The following RAD51B variants were observed in gnomAD, a reference collection of about 807,000 sequenced individuals.
RAD51B encodes the protein DNA repair protein RAD51 homolog 2.
Under a neutral mutation model 42.2 loss-of-function variants are expected in RAD51B, and 38 were observed. The observed-to-expected ratio is 0.90, with a 90% confidence interval of 0.70 to 1.18. The LOEUF (loss-of-function observed/expected upper bound fraction) is 1.18. Among genes scored for constraint, RAD51B ranks in the 50% most tolerant of loss-of-function variants. The probability of loss-of-function intolerance (pLI) is 0.00; values close to 1 mark genes in which losing one functional copy is unlikely to be tolerated. For synonymous variants in RAD51B, 154 were observed against 145.2 expected, an observed-to-expected ratio of 1.06 and a Z score of -0.43; for missense variants, 373 against 400.7, an observed-to-expected ratio of 0.93 and a Z score of 0.59.
intron 7 of RAD51B, among the ~76,000 whole-genome samples, chr14:68,036,709 G>A (rs1468101367): frequency 6.6e-6 from 1 of 152,080 alleles, no homozygotes; most frequent in Non-Finnish European, 1.5e-5. Flanking sequence ...AGGATTTGGG[G>A]AGATGACTGC....
intron 8 of RAD51B, chr14:68,339,137 C>G: frequency 1.4e-6 from 1 of 709,196 alleles, no homozygotes; most frequent in Non-Finnish European, 2.6e-6. Flanking sequence ...CAGGTGGTCT[C>G]TTAGTGGGGA....
intron 8 of RAD51B, among the ~76,000 whole-genome samples, chr14:68,375,635 C>T (rs2083353348): frequency 6.6e-6 from 1 of 152,102 alleles, no homozygotes; most frequent in Non-Finnish European, 1.5e-5. Flanking sequence ...TGTAAGGATG[C>T]AGACCATGTC....
At chr14:68,363,558 T>TGGAGTGTGCAGGGGCCTCCTCATC (rs2083075321) in intron 8 of RAD51B, among the ~76,000 whole-genome samples, 1 of 151,976 alleles carries the variant, frequency 6.6e-6, no homozygotes, top group East Asian at 1.9e-4. Context: ...GCCTCCTCAT[T>TGGAGTGTGCAGGGGCCTCCTCATC]GGAGTGTGCA....
chr14:68,529,023 AG>A (rs879491978), intron 10 of RAD51B, among the ~76,000 whole-genome samples: 2 of 152,198 alleles, frequency 1.3e-5, no homozygotes, highest in African/African-American at 2.4e-5. Flanking sequence ...TTCTTTCTCT[AG>A]GTGGGTTATG....
chr14:67,911,714 T>C (rs924059153), intron 7 of RAD51B, among the ~76,000 whole-genome samples: 11 of 152,196 alleles, frequency 7.2e-5, no homozygotes, highest in African/African-American at 2.7e-4. Context: ...GACCCTACCG[T>C]TATTTTTGGC....
intron 10 of RAD51B, among the ~76,000 whole-genome samples, chr14:68,580,367 GAGT>G (rs916273624): frequency 1.5e-4 from 22 of 150,064 alleles, no homozygotes; most frequent in Non-Finnish European, 2.8e-4. Context: ...TCCTACCTTT[GAGT>G]AGCTGTGTGA....
At chr14:68,527,689 A>G (rs1239620223) in intron 10 of RAD51B, among the ~76,000 whole-genome samples, 1 of 152,268 alleles carries the variant, frequency 6.6e-6, no homozygotes, top group African/African-American at 2.4e-5. Flanking sequence ...ATAATGCACC[A>G]ATAGAATGTC....
intron 7 of RAD51B, among the ~76,000 whole-genome samples, chr14:67,999,933 G>C (rs2075450665): frequency 6.6e-6 from 1 of 152,088 alleles, no homozygotes; most frequent in Non-Finnish European, 1.5e-5. Context: ...CGTGGGGAAG[G>C]CTGTAAATAC....
downstream of RAD51B, among the ~76,000 whole-genome samples, chr14:68,613,665 A>G (rs540649092): frequency 2.0e-5 from 3 of 152,048 alleles, no homozygotes; most frequent in African/African-American, 2.4e-5. Context: ...CGTGTTAGCC[A>G]GGATGGTCTC....
intron 7 of RAD51B, among the ~76,000 whole-genome samples, chr14:68,147,292 T>C (rs1381837809): frequency 1.3e-5 from 2 of 152,230 alleles, no homozygotes; most frequent in African/African-American, 4.8e-5. Flanking sequence ...GAATCTACTT[T>C]TAAAAATTAG....
At chr14:67,967,024 G>A (rs35368491) in intron 7 of RAD51B, among the ~76,000 whole-genome samples, 169 of 152,284 alleles carry the variant, frequency 1.1e-3, no homozygotes, top group African/African-American at 3.9e-3. Flanking sequence ...TGGACTTACA[G>A]TTCCACTTGG....
intron 8 of RAD51B, among the ~76,000 whole-genome samples, chr14:68,375,018 G>A (rs1027309023): frequency 6.6e-6 from 1 of 151,570 alleles, no homozygotes; most frequent in African/African-American, 2.4e-5. Flanking sequence ...TTAAGATGTG[G>A]CCTGGCTTTC....
chr14:68,390,037 G>A (rs1224382642), intron 8 of RAD51B, among the ~76,000 whole-genome samples: 3 of 152,216 alleles, frequency 2.0e-5, no homozygotes, highest in Non-Finnish European at 4.4e-5. Context: ...AGACAAGTCT[G>A]TAAAATGTTC....
chr14:68,064,643 A>G (rs935171021), intron 7 of RAD51B, among the ~76,000 whole-genome samples: 2 of 150,354 alleles, frequency 1.3e-5, no homozygotes, highest in African/African-American at 4.9e-5. Flanking sequence ...GTTCTTTTTT[A>G]TTTCCTTTTC....
At chr14:68,345,659 C>CTT (rs756255182) in intron 8 of RAD51B, among the ~76,000 whole-genome samples, 20 of 142,138 alleles carry the variant, frequency 1.4e-4, no homozygotes, top group South Asian at 9.0e-4. Flanking sequence ...GTGTTTCTTT[C>CTT]TTTTTTTTTT....
intron 8 of RAD51B, among the ~76,000 whole-genome samples, chr14:68,297,871 G>T (rs577268950): frequency 7.2e-5 from 11 of 152,288 alleles, no homozygotes; most frequent in African/African-American, 2.4e-4. Flanking sequence ...AGCCCCTCCC[G>T]TGAAGTTTTA....
intron 7 of RAD51B, among the ~76,000 whole-genome samples, chr14:67,910,062 T>G (rs115190096): frequency 2.5e-3 from 381 of 152,296 alleles, no homozygotes; most frequent in African/African-American, 8.5e-3. Context: ...TTGTGTAAAA[T>G]TTAAGATCTA....
At position 67,879,361 on chromosome 14, in the gene RAD51B, A is replaced by G. The variant is rs1206960589; in HGVS notation, c.453-6508A>G. ...ACAAAATCCTTTCATAACAATGCAT[A>G]GATTAGTGTTTGATTGAATAACAGG... On this transcript the variant is annotated intron_variant, in intron 5 of 10. Transcript: ENST00000471583. 2.0e-5 allele frequency among the ~76,000 whole-genome samples: 3 copies of G among 152,342 alleles called. No individual in the cohort carries two copies. In the South Asian group the frequency reaches 6.2e-4, roughly 32 times the overall value.
intron 5 of RAD51B, among the ~76,000 whole-genome samples, chr14:67,881,087 G>A (rs912705710): frequency 1.9e-4 from 29 of 152,080 alleles, no homozygotes; most frequent in African/African-American, 7.0e-4. Context: ...TATTGAATAG[G>A]CAATTACAAC....
Sources: allele counts gnomAD v4.1 joint callset (sites outside exome capture counted in the v4.1 genomes callset), GRCh38; gene constraint gnomAD v4.1.1; transcripts MANE v1.5; gene names NCBI Gene and HGNC (gene_info 2026-07-23, HGNC 2026-07-21).